GLCE: variants seen among roughly 807,000 people sequenced by gnomAD.
The protein encoded by GLCE is D-glucuronyl C5-epimerase.
In GLCE, 19 loss-of-function variants were observed where a neutral mutation model predicts 47.9. That is an observed-to-expected ratio of 0.40 (90% CI 0.28 to 0.58). The LOEUF (loss-of-function observed/expected upper bound fraction) is 0.58. Ranked by LOEUF, GLCE falls within the 20% of genes least tolerant of loss-of-function variation. GLCE has a pLI of 0.48. For missense variants in GLCE, 556 were observed against 743.3 expected, an observed-to-expected ratio of 0.75 and a Z score of 2.93; for synonymous variants, 245 against 263.4, an observed-to-expected ratio of 0.93 and a Z score of 0.68.
chr15:69,189,340 G>T (rs1182996394), intron 1 of GLCE, among the ~76,000 whole-genome samples: 2 of 152,078 alleles, frequency 1.3e-5, no homozygotes, highest in South Asian at 4.2e-4. Flanking sequence ...TACGTTTAAG[G>T]TTCTTGCATG....
At chr15:69,181,333 A>G (rs1253823565) in intron 1 of GLCE, among the ~76,000 whole-genome samples, 1 of 152,246 alleles carries the variant, frequency 6.6e-6, no homozygotes, top group Admixed American at 6.5e-5. Flanking sequence ...ATCAGATCAG[A>G]TGACTTCACT....
At chr15:69,233,816 A>G (rs2052557243) in intron 2 of GLCE, among the ~76,000 whole-genome samples, 1 of 152,186 alleles carries the variant, frequency 6.6e-6, no homozygotes, top group Admixed American at 6.5e-5. Context: ...GTTTATTATG[A>G]TGTGTGAGTA....
chr15:69,222,705 A>G (rs553365626), intron 2 of GLCE, among the ~76,000 whole-genome samples: 2 of 152,298 alleles, frequency 1.3e-5, no homozygotes, highest in East Asian at 3.9e-4. Context: ...ACTCTGGTCT[A>G]TCTCAATGGG....
At position 69,235,188 on chromosome 15, in the gene GLCE, A is replaced by G. The variant is rs922267353; in HGVS notation, c.-13-20606A>G. Reference sequence around the variant, plus strand: ...AGTGGCACGATCTCAGCTTACTGCAACCTCTGCCTCCTGGGTTCAAGCGAT... The same window carrying G: ...AGTGGCACGATCTCAGCTTACTGCAGCCTCTGCCTCCTGGGTTCAAGCGAT... On this transcript the variant is annotated intron_variant, in intron 2 of 4. Coordinates refer to ENST00000261858, the MANE Select transcript of GLCE (RefSeq NM_015554.3). Among the ~76,000 whole-genome samples, 11 of 131,754 alleles carry G rather than the reference A, an allele frequency of 8.3e-5. No homozygotes were observed. In the East Asian group the frequency reaches 1.1e-3, roughly 13 times the overall value. 86.4% of individuals were successfully genotyped at this position (131,754 alleles called of 152,430 possible). A position where few individuals can be genotyped will look rare whatever the true frequency, so the allele number is the denominator to read the frequency against.
intron 2 of GLCE, 106 bp from the exon 3 acceptor site, chr15:69,255,688 T>G: frequency 1.5e-6 from 1 of 660,054 alleles, no homozygotes; most frequent in Non-Finnish European, 2.5e-6. Flanking sequence ...AAAATTGTCC[T>G]AATACAGTTG....
intron 1 of GLCE, among the ~76,000 whole-genome samples, chr15:69,200,783 GCTT>G (rs1034619183): frequency 6.6e-6 from 1 of 152,082 alleles, no homozygotes; most frequent in Non-Finnish European, 1.5e-5. Flanking sequence ...TAAACAGAAA[GCTT>G]TTTAATCTTA....
At chr15:69,229,553 CT>C (rs1176567116) in intron 2 of GLCE, among the ~76,000 whole-genome samples, 1 of 151,920 alleles carries the variant, frequency 6.6e-6, no homozygotes, top group Non-Finnish European at 1.5e-5. Context: ...ATTTAAGAAA[CT>C]TTTTTCTTAA....
chr15:69,185,411 C>A (rs2051807664), intron 1 of GLCE, among the ~76,000 whole-genome samples: 2 of 152,162 alleles, frequency 1.3e-5, no homozygotes, highest in African/African-American at 2.4e-5. Context: ...TATCTCCTTT[C>A]TCTCTGTCAA....
chr15:69,235,659 A>G (rs1451802844), intron 2 of GLCE, among the ~76,000 whole-genome samples: 1 of 152,232 alleles, frequency 6.6e-6, no homozygotes, highest in African/African-American at 2.4e-5. Flanking sequence ...ATCAGACTAA[A>G]AAGCTCAGGT....
Position 69,199,931 on chromosome 15 carries a change from T to C in GLCE, c.-104-10385T>C, listed in dbSNP as rs2052052182. Among the ~76,000 whole-genome samples the C allele has an allele frequency of 3.9e-5, 6 of 152,168 alleles. No homozygotes were observed. In the South Asian group the frequency reaches 1.2e-3, roughly 31 times the overall value. On this transcript the variant is annotated intron_variant, in intron 1 of 4. Coordinates refer to ENST00000261858, the MANE Select transcript of GLCE (RefSeq NM_015554.3). ...ATTGGAACTAGAGTGAAATCAGTGG[T>C]ACAGACTTCTATCCGTTATGATTCC...
chr15:69,204,728 T>C (rs773336546), intron 1 of GLCE, among the ~76,000 whole-genome samples: 4 of 152,196 alleles, frequency 2.6e-5, no homozygotes, highest in Non-Finnish European at 5.9e-5. Context: ...TCTTTTATGA[T>C]ACCACTAAGC....
chr15:69,229,031 G>A (rs1160118989), intron 2 of GLCE, among the ~76,000 whole-genome samples: 4 of 152,030 alleles, frequency 2.6e-5, no homozygotes, highest in African/African-American at 4.8e-5. Flanking sequence ...AACACAAAAA[G>A]GTTGAAACTA....
In GLCE at chr15:69,272,089, A is replaced by T. The variant is rs2053173934; in HGVS notation, c.*2845A>T. 6.6e-6 allele frequency: 1 copy of T among 152,658 alleles called. No individual in the cohort carries two copies. Among genetic ancestry groups the T allele is most frequent in the African/African-American group, 2.4e-5 (1 of 41,466 alleles). 9.5% of individuals were successfully genotyped at this position (152,658 alleles called of 1,614,324 possible). A position where few individuals can be genotyped will look rare whatever the true frequency, so the allele number is the denominator to read the frequency against. ...CACATGTTAGTTTTATATACAGCAA[A>T]ACTTGATTTTTTGCAGATGGAAAGG... On this transcript the variant is annotated 3_prime_UTR_variant, in exon 5 of 5. Coordinates refer to ENST00000261858, the MANE Select transcript of GLCE (RefSeq NM_015554.3).
At chr15:69,174,803 T>C (rs922481889) in intron 1 of GLCE, among the ~76,000 whole-genome samples, 1 of 152,216 alleles carries the variant, frequency 6.6e-6, no homozygotes, top group African/African-American at 2.4e-5. Flanking sequence ...ATACTCTCTT[T>C]CTTTAAGCCC....
At chr15:69,264,297 C>G (rs968070262) in intron 4 of GLCE, among the ~76,000 whole-genome samples, 3 of 151,670 alleles carry the variant, frequency 2.0e-5, no homozygotes, top group Non-Finnish European at 4.4e-5. Flanking sequence ...CTTCAAGGTT[C>G]GTCTATGTTG....
At chr15:69,263,252 G>A (rs2053038659) in intron 4 of GLCE, among the ~76,000 whole-genome samples, 1 of 152,126 alleles carries the variant, frequency 6.6e-6, no homozygotes, top group African/African-American at 2.4e-5. Context: ...GAATCAAAGA[G>A]GTGAGACTAT....
intron 1 of GLCE, among the ~76,000 whole-genome samples, chr15:69,181,636 A>G (rs371332490): frequency 4.6e-5 from 7 of 152,188 alleles, no homozygotes; most frequent in African/African-American, 1.7e-4. Context: ...TGACAAGAGC[A>G]GGTTTGATAG....
Position 69,269,465 on chromosome 15 carries a change from T to C in GLCE, c.*221T>C. On this transcript the variant is annotated 3_prime_UTR_variant, in exon 5 of 5. Transcript: ENST00000261858. ...CATTTAGAACACAATGTTTAATCAA[T>C]GGGCTGAACAAAGATGCTTCACTTT... 1.8e-6 allele frequency: 1 copy of C among 556,926 alleles called. No homozygotes were observed. Among genetic ancestry groups the C allele is most frequent in the South Asian group, 2.3e-5 (1 of 42,768 alleles). The allele number at this position is 556,926 out of a possible 1,614,324, so 34.5% of individuals were successfully genotyped here. A position where few individuals can be genotyped will look rare whatever the true frequency, so the allele number is the denominator to read the frequency against.
intron 2 of GLCE, among the ~76,000 whole-genome samples, chr15:69,229,450 A>G (rs2052490811): frequency 6.6e-6 from 1 of 152,232 alleles, no homozygotes; most frequent in African/African-American, 2.4e-5. Context: ...AATGAAAATT[A>G]TATCAGATGG....
Sources: allele counts gnomAD v4.1 joint callset (sites outside exome capture counted in the v4.1 genomes callset), GRCh38; gene constraint gnomAD v4.1.1; transcripts MANE v1.5; gene names NCBI Gene and HGNC (gene_info 2026-07-23, HGNC 2026-07-21).